The following NCF1 variants were observed in gnomAD, a reference collection of about 807,000 sequenced individuals.
The protein encoded by NCF1 is neutrophil cytosolic factor 1.
NCF1 carries 8 observed loss-of-function variants against 34.9 expected under a neutral mutation model. The ratio of observed to expected loss-of-function variants is 0.23; its 90% CI spans 0.13 to 0.41. NCF1 has a LOEUF of 0.41. NCF1 is among the 10% of genes least tolerant of loss of function. The pLI is 1.00. For missense variants in NCF1, 122 were observed against 362.4 expected (o/e 0.34, Z 5.39); for synonymous variants, 57 against 146.3 (o/e 0.39, Z 4.41).
At chr7:74,777,611 T>C (rs1796497875) in intron 2 of NCF1, 1 of 400,062 alleles carries the variant, frequency 2.5e-6, no homozygotes, top group Admixed American at 3.6e-5. Flanking sequence ...AGGTTTGCAG[T>C]GCAGGGGCGC....
At chr7:74,777,201 C>T (rs1796484984) in intron 1 of NCF1, 66 bp from the exon 2 acceptor site, 1 of 1,134,444 alleles carries the variant, frequency 8.8e-7, no homozygotes, top group Admixed American at 1.9e-5. Context: ...TAGTGGGATC[C>T]TGGGTGCACA....
intron 8 of NCF1, among the ~76,000 whole-genome samples, chr7:74,787,283 A>G (rs1554414680): frequency 1.3e-5 from 2 of 152,102 alleles, no homozygotes; most frequent in Non-Finnish European, 2.9e-5. Flanking sequence ...TACTAAAAAA[A>G]TACAAAATTA....
Position 74,779,289 on chromosome 7 carries a change from G to A in NCF1, c.262G>A (p.Glu88Lys), listed in dbSNP as rs781789430. ...GTGGTTTGACGGGCAGCGGGCCGCC[G>A]AGAACCGCCAGGGCACACTTACCGA... The part of the protein sequence containing the change: ...PKWFDGQRAA[E>K]NRQGTLTEYC... Residue 88 changes from glutamate (E) to lysine (K), a missense_variant, in exon 4 of 11, where the codon GAG becomes AAG. Around this residue, in one of 9 missense-constraint regions of NCF1, gnomAD observed 14 missense variants for 22.4 expected, o/e 0.62. Transcript: ENST00000289473. 19 of 1,609,666 alleles carry A rather than the reference G, an allele frequency of 1.2e-5. No individual in the cohort carries two copies. The highest frequency in any genetic ancestry group is 5.4e-5 in the African/African-American group (4 of 74,314).
At chr7:74,785,749 G>C (rs1416964825) in intron 8 of NCF1, among the ~76,000 whole-genome samples, 2 of 151,970 alleles carry the variant, frequency 1.3e-5, no homozygotes, top group Non-Finnish European at 2.9e-5. Context: ...CGGGTGTGGT[G>C]GTGGGAGCCT....
At chr7:74,782,408 C>A in intron 5 of NCF1, among the ~76,000 whole-genome samples, 1 of 56,160 alleles carries the variant, frequency 1.8e-5, no homozygotes. Context: ...CACTGCACTC[C>A]AGTGACAGAG....
chr7:74,787,871 T>A (rs2131609169), intron 8 of NCF1, 113 bp from the exon 9 acceptor site: 1 of 96,174 alleles, frequency 1.0e-5, no homozygotes, highest in East Asian at 3.2e-4. Flanking sequence ...TGTCCGGTTG[T>A]TTGCAACCTC....
intron 8 of NCF1, among the ~76,000 whole-genome samples, chr7:74,787,456 A>G (rs1719271253): frequency 6.6e-6 from 1 of 152,092 alleles, no homozygotes; most frequent in African/African-American, 2.4e-5. Flanking sequence ...TGGGCGGGGG[A>G]AAAGCATTTG....
chr7:74,777,193 G>A, intron 1 of NCF1, 74 bp from the exon 2 acceptor site: 1 of 1,043,936 alleles, frequency 9.6e-7, no homozygotes, highest in Non-Finnish European at 1.5e-6. Flanking sequence ...CCAGTGGGTA[G>A]TGGGATCCTG....
At chr7:74,775,471 T>C (rs782162649) in intron 1 of NCF1, among the ~76,000 whole-genome samples, 22 of 1,588 alleles carry the variant, frequency 0.014, no homozygotes, top group Middle Eastern at 0.036. Flanking sequence ...GAGAGTGAGT[T>C]GAAGACGTGT....
At chr7:74,781,787 C>A (rs1796572795) in intron 5 of NCF1, among the ~76,000 whole-genome samples, 1 of 134,614 alleles carries the variant, frequency 7.4e-6, no homozygotes, top group South Asian at 2.7e-4. Flanking sequence ...CCTGCCTCAG[C>A]CTCCCAAAGT....
intron 2 of NCF1, chr7:74,778,337 G>T: frequency 1.2e-5 from 5 of 428,664 alleles, no homozygotes; most frequent in South Asian, 6.6e-5. Context: ...GCCCAGGCTG[G>T]TCTCTAACTC....
chr7:74,779,472 AC>A (rs1371991399), intron 4 of NCF1, 50 bp downstream of exon 4: 42 of 1,416,242 alleles, frequency 3.0e-5, no homozygotes, highest in Non-Finnish European at 3.8e-5. Context: ...GAGGGGTGGG[AC>A]TTTCTGTGTT....
rs782295551 is a variant in NCF1, at chr7:74,779,166, G to C, written c.229+9G>C. 1 of 1,603,838 alleles carries C rather than the reference G, an allele frequency of 6.2e-7. No individual in the cohort carries two copies. On this transcript the variant is annotated intron_variant, in intron 3 of 10. Coordinates refer to ENST00000289473, the MANE Select transcript of NCF1 (RefSeq NM_000265.7). ...CATCCCCCACCTCCCAGGTGAGCAC[G>C]GGGCTGAGCCGCCTGTCAGGGGGTC...
At position 74,783,120 on chromosome 7, in the gene NCF1, A is replaced by G. The variant is rs1796605048; in HGVS notation, c.574+59A>G. On this transcript the variant is annotated intron_variant, in intron 6 of 10. Transcript: ENST00000289473. Reference sequence around the variant, plus strand: ...TGGTGCTCAGGAACCCACAGCCACAAGCCCCCTGCCAAGGCTCAGGCAGCC... The same window carrying G: ...TGGTGCTCAGGAACCCACAGCCACAGGCCCCCTGCCAAGGCTCAGGCAGCC... The G allele has an allele frequency of 1.9e-6, 3 of 1,578,664 alleles. No individual in the cohort carries two copies. In the African/African-American group the frequency reaches 4.1e-5, roughly 21 times the overall value.
At chr7:74,775,987 C>G (rs1333042763) in intron 1 of NCF1, among the ~76,000 whole-genome samples, 1 of 115,246 alleles carries the variant, frequency 8.7e-6, no homozygotes, top group Non-Finnish European at 1.8e-5. Context: ...TACTCTGTCA[C>G]CCAGGCTGGA....
chr7:74,788,701 C>A lies in NCF1; in HGVS notation c.1048C>A (p.Leu350Ile). ...GGGACCGCAGAGCCCCGGGAGCCCG[C>A]TCGGTGAGTGCAGCGGGAGAGGGCA... The part of the protein sequence containing the change: ...RPGPQSPGSP[L>I]EEERQTQRSK... The change falls in exon 10 of 11, where the codon CTC (leucine) becomes ATC (isoleucine). Residue 350 changes from leucine (L) to isoleucine (I), a missense_variant. Transcript: ENST00000289473. 6.5e-7 allele frequency: 1 copy of A among 1,549,928 alleles called. No individual in the cohort carries two copies. The highest frequency in any genetic ancestry group is 1.2e-5 in the South Asian group (1 of 85,302).
intron 7 of NCF1, among the ~76,000 whole-genome samples, chr7:74,784,165 T>C (rs1796632092): frequency 6.7e-6 from 1 of 150,096 alleles, no homozygotes; most frequent in South Asian, 2.1e-4. Context: ...CAGGATCAAG[T>C]GATTCTCCAG....
Position 74,782,974 on chromosome 7 carries a change from G to A in NCF1, c.487G>A (p.Ala163Thr), listed in dbSNP as rs367985113. ...TGPIILQTYR[A>T]IANYEKTSGS... ...CCCCATCATCCTGCAGACGTACCGCGCCATTGCCAACTACGAGAAGACCTC... is the reference window on the plus strand; with the variant it reads ...CCCCATCATCCTGCAGACGTACCGCACCATTGCCAACTACGAGAAGACCTC... The change falls in exon 6 of 11, where the codon GCC becomes ACC. Residue 163 changes from alanine (A) to threonine (T), a missense_variant. Physicochemically the swap from Ala to Thr is moderately conservative, Grantham distance 58. Transcript: ENST00000289473. 146 of 1,610,968 alleles carry A rather than the reference G, an allele frequency of 9.1e-5. No homozygotes were observed. In the African/African-American group the frequency reaches 1.3e-3, roughly 15 times the overall value.
rs1554413463 is a variant in NCF1, at chr7:74,779,304, A to C, written c.277A>C (p.Thr93Pro). The change falls in exon 4 of 11, where the codon ACA (threonine) becomes CCA (proline). Residue 93 changes from threonine to proline, a missense_variant. Coordinates refer to ENST00000289473, the MANE Select transcript of NCF1 (RefSeq NM_000265.7). ...GQRAAENRQG[T>P]LTEYCSTLMS... ...GCGGGCCGCCGAGAACCGCCAGGGC[A>C]CACTTACCGAGTACTGCAGCACGCT... 1.9e-6 allele frequency: 3 copies of C among 1,608,630 alleles called. No individual in the cohort carries two copies. Among genetic ancestry groups the C allele is most frequent in the Non-Finnish European group, 2.5e-6 (3 of 1,179,114 alleles).
Sources: allele counts gnomAD v4.1 joint callset (sites outside exome capture counted in the v4.1 genomes callset), GRCh38; gene constraint gnomAD v4.1.1; regional missense constraint gnomAD v4.1.1; transcripts MANE v1.5; gene names NCBI Gene and HGNC (gene_info 2026-07-23, HGNC 2026-07-21).